Variants in MBD5 observed in about 807,000 individuals in gnomAD.
The protein encoded by MBD5 is methyl-CpG-binding domain protein 5.
MBD5 carries 13 observed loss-of-function variants against 117.3 expected under a neutral mutation model. That is an observed-to-expected ratio of 0.11 (90% CI 0.07 to 0.18). MBD5 has a LOEUF of 0.18. MBD5 is among the 10% of genes least tolerant of loss of function. MBD5 has a pLI of 1.00. For synonymous variants in MBD5, 727 were observed against 766.4 expected (o/e 0.95, Z 0.85); for missense variants, 1,879 against 2,093.8 (o/e 0.90, Z 2.00).
chr2:148,162,283 T>C (rs1698022118), intron 1 of MBD5, among the ~76,000 whole-genome samples: 1 of 152,206 alleles, frequency 6.6e-6, no homozygotes, highest in African/African-American at 2.4e-5. Context: ...CCTTCTGTTA[T>C]CATGTTCCCC....
chr2:148,507,495 C>T (rs1682069635), intron 12 of MBD5, among the ~76,000 whole-genome samples: 2 of 150,994 alleles, frequency 1.3e-5, no homozygotes, highest in Non-Finnish European at 3.0e-5. Flanking sequence ...CGCGGTGGCT[C>T]ACGCCTGTAA....
chr2:148,273,215 A>G (rs1293253760), intron 3 of MBD5, among the ~76,000 whole-genome samples: 1 of 152,176 alleles, frequency 6.6e-6, no homozygotes, highest in Non-Finnish European at 1.5e-5. Context: ...CATCGGTCAA[A>G]CTGTGCACTA....
intron 2 of MBD5, among the ~76,000 whole-genome samples, chr2:148,210,359 G>T (rs753113263): frequency 1.1e-4 from 17 of 150,604 alleles, no homozygotes; most frequent in Middle Eastern, 3.4e-3. Context: ...CTTTTTTTTT[G>T]AATACCTCAA....
intron 1 of MBD5, among the ~76,000 whole-genome samples, chr2:148,119,383 G>A (rs1696712465): frequency 6.6e-6 from 1 of 152,028 alleles, no homozygotes; most frequent in Non-Finnish European, 1.5e-5. Context: ...TGAGTTTTAA[G>A]TGTTATTTAT....
At chr2:148,481,447 G>A (rs1416660402) in intron 8 of MBD5, among the ~76,000 whole-genome samples, 1 of 152,116 alleles carries the variant, frequency 6.6e-6, no homozygotes, top group Non-Finnish European at 1.5e-5. Flanking sequence ...GGATAGCATG[G>A]CATAGCATAG....
At chr2:148,272,152 G>A in intron 3 of MBD5, among the ~76,000 whole-genome samples, 1 of 152,142 alleles carries the variant, frequency 6.6e-6, no homozygotes, top group East Asian at 1.9e-4. Context: ...ATTGTCTTAT[G>A]TGTTCATACA....
chr2:148,183,954 T>A (rs11902579), intron 2 of MBD5, among the ~76,000 whole-genome samples: 2,386 of 152,012 alleles, frequency 0.016, 62 homozygotes, highest in African/African-American at 0.05. Context: ...TTAATTAATT[T>A]AAAAAAATAA....
rs529716492 is a variant in MBD5 at position 148,413,753 on chromosome 2, T to C, written c.-556-44450T>C. ...ATTTCTTCTAGGTTTTCTAGTTATGTGCATAGAGATATTCATAGTAGTATC... is the reference window on the plus strand; with the variant it reads ...ATTTCTTCTAGGTTTTCTAGTTATGCGCATAGAGATATTCATAGTAGTATC... On this transcript the variant is annotated intron_variant, in intron 4 of 13. Transcript: ENST00000642680. Among the ~76,000 whole-genome samples, 8 of 152,156 alleles carry C rather than the reference T, an allele frequency of 5.3e-5. No homozygotes were observed. In the South Asian group the frequency reaches 1.7e-3, roughly 32 times the overall value.
Position 148,516,771 on chromosome 2 carries a change from T to C in MBD5, c.*3830T>C, listed in dbSNP as rs1463789815. The C allele has an allele frequency of 6.6e-6, 1 of 152,242 alleles. No individual in the cohort carries two copies. Among genetic ancestry groups the C allele is most frequent in the African/African-American group, 2.4e-5 (1 of 41,470 alleles). The allele number at this position is 152,242 out of a possible 1,614,324, so 9.4% of individuals were successfully genotyped here. A position where few individuals can be genotyped will look rare whatever the true frequency, so the allele number is the denominator to read the frequency against. On this transcript the variant is annotated 3_prime_UTR_variant, in exon 14 of 14. Transcript: ENST00000642680. The stretch of plus-strand genomic sequence containing the variant: ...CTGTAAATATGTATTACCAGCCTTA[T>C]CTGCATTTATACACACTGTGTGTGT...
intron 3 of MBD5, among the ~76,000 whole-genome samples, chr2:148,303,448 A>G (rs2106488853): frequency 6.6e-6 from 1 of 152,352 alleles, no homozygotes; most frequent in Middle Eastern, 3.4e-3. Context: ...GGTTAAAGGC[A>G]AAGACAAAGA....
At chr2:148,314,880 G>A (rs1574275570) in intron 3 of MBD5, among the ~76,000 whole-genome samples, 2 of 152,024 alleles carry the variant, frequency 1.3e-5, no homozygotes, top group East Asian at 1.9e-4. Flanking sequence ...TTTAGGGATG[G>A]TTATTACTGA....
chr2:148,397,379 GAGAGC>G (rs1704753794), intron 4 of MBD5, among the ~76,000 whole-genome samples: 1 of 135,996 alleles, frequency 7.4e-6, no homozygotes, highest in African/African-American at 2.8e-5. Context: ...GCCCAGGCTA[GAGAGC>G]AGTGGCACGA....
At chr2:148,146,429 A>T (rs576124756) in intron 1 of MBD5, among the ~76,000 whole-genome samples, 3 of 151,904 alleles carry the variant, frequency 2.0e-5, no homozygotes, top group Admixed American at 6.6e-5. Flanking sequence ...TAGAGATTAT[A>T]TCTCCCTGTG....
chr2:148,156,196 C>T (rs1024536155), intron 1 of MBD5, among the ~76,000 whole-genome samples: 1 of 152,194 alleles, frequency 6.6e-6, no homozygotes, highest in Non-Finnish European at 1.5e-5. Flanking sequence ...TAATTTATCT[C>T]CCAGAATTAA....
At chr2:148,058,862 T>A (rs1694946560) in intron 1 of MBD5, among the ~76,000 whole-genome samples, 1 of 152,196 alleles carries the variant, frequency 6.6e-6, no homozygotes, top group Non-Finnish European at 1.5e-5. Flanking sequence ...GTATTAAACA[T>A]GGCATTCCAG....
intron 3 of MBD5, among the ~76,000 whole-genome samples, chr2:148,288,953 T>C (rs1701434617): frequency 6.6e-6 from 1 of 152,180 alleles, no homozygotes; most frequent in Non-Finnish European, 1.5e-5. Flanking sequence ...TCATCTGAAT[T>C]TCCAGAGGCT....
chr2:148,202,884 G>A (rs1028513561), intron 2 of MBD5, among the ~76,000 whole-genome samples: 8 of 151,800 alleles, frequency 5.3e-5, no homozygotes, highest in African/African-American at 1.5e-4. Flanking sequence ...ATAATAAAAA[G>A]CAACTCTTTA....
At chr2:148,302,492 A>G (rs12464464) in intron 3 of MBD5, among the ~76,000 whole-genome samples, 5,201 of 152,280 alleles carry the variant, frequency 0.034, 163 homozygotes, top group African/African-American at 0.081. Context: ...GCTAATAGAG[A>G]TGTAATTTTT....
intron 1 of MBD5, among the ~76,000 whole-genome samples, chr2:148,111,341 A>G (rs1696499414): frequency 2.0e-5 from 3 of 152,168 alleles, no homozygotes; most frequent in African/African-American, 7.2e-5. Flanking sequence ...AAGTCTAACC[A>G]CGGGGAATTT....
Sources: gnomAD v4.1 joint callset for allele counts (sites outside exome capture counted in the v4.1 genomes callset) on GRCh38, gnomAD v4.1.1 for gene constraint, MANE v1.5 for transcripts, NCBI Gene and HGNC (gene_info 2026-07-23, HGNC 2026-07-21) for gene names.